Variants in SYNDIG1 observed in about 807,000 individuals in gnomAD.
The protein encoded by SYNDIG1 is synapse differentiation-inducing gene protein 1.
A neutral mutation model predicts 19.4 loss-of-function variants in SYNDIG1; 9 were observed. The observed-to-expected ratio is 0.46, with a 90% CI of 0.28 to 0.81. The LOEUF (loss-of-function observed/expected upper bound fraction) is 0.81. Ranked by LOEUF, SYNDIG1 falls within the 30% of genes least tolerant of loss-of-function variation. SYNDIG1 has a pLI of 0.12. For missense variants in SYNDIG1, 311 were observed against 343.3 expected (o/e 0.91, Z 0.74); for synonymous variants, 141 against 145.9 (o/e 0.97, Z 0.24).
intron 1 of SYNDIG1, among the ~76,000 whole-genome samples, chr20:24,481,346 G>A (rs1002111662): frequency 6.6e-6 from 1 of 152,178 alleles, no homozygotes; most frequent in Non-Finnish European, 1.5e-5. Context: ...ACATGGCTGG[G>A]GCTGGAGTCC....
At chr20:24,610,991 A>C (rs1165050878) in intron 3 of SYNDIG1, among the ~76,000 whole-genome samples, 1 of 152,200 alleles carries the variant, frequency 6.6e-6, no homozygotes, top group African/African-American at 2.4e-5. Flanking sequence ...GTCTTCGGCC[A>C]GCTCCCAGGC....
rs1267535736 is a variant in SYNDIG1 at position 24,553,235 on chromosome 20, G to A, written c.480+9658G>A. Among the ~76,000 whole-genome samples, 84 of 152,076 alleles carry A rather than the reference G, an allele frequency of 5.5e-4. No individual in the cohort carries two copies. The East Asian group carries it at 0.012, about 22-fold the overall frequency. ...GCCCTTTGTCAGATGAGCAGGTTGCGAAAATTTTCTCCCATTTTGTAGGTT... is the reference window on the plus strand; with the variant it reads ...GCCCTTTGTCAGATGAGCAGGTTGCAAAAATTTTCTCCCATTTTGTAGGTT... On this transcript the variant is annotated intron_variant, in intron 2 of 3. Transcript: ENST00000376862.
chr20:24,529,884 A>ATGG (rs2057208952), intron 1 of SYNDIG1, among the ~76,000 whole-genome samples: 1 of 59,414 alleles, frequency 1.7e-5, no homozygotes, highest in Non-Finnish European at 3.4e-5. Flanking sequence ...GATGGTGGTG[A>ATGG]TGGTGGTGAG....
At chr20:24,474,946 T>C (rs1407726550) in intron 1 of SYNDIG1, among the ~76,000 whole-genome samples, 1 of 152,248 alleles carries the variant, frequency 6.6e-6, no homozygotes, top group Non-Finnish European at 1.5e-5. Context: ...TTTATTCCAT[T>C]GCCTCAACTT....
At chr20:24,664,420 T>C (rs531632207) in intron 3 of SYNDIG1, among the ~76,000 whole-genome samples, 1 of 152,278 alleles carries the variant, frequency 6.6e-6, no homozygotes, top group East Asian at 1.9e-4. Context: ...AGCTAGGACA[T>C]TCTGCCAGGG....
At chr20:24,607,521 G>A (rs1310116147) in intron 3 of SYNDIG1, among the ~76,000 whole-genome samples, 3 of 152,134 alleles carry the variant, frequency 2.0e-5, no homozygotes, top group South Asian at 2.1e-4. Context: ...GAAGAGCCTC[G>A]GCCCATGACG....
intron 1 of SYNDIG1, among the ~76,000 whole-genome samples, chr20:24,523,904 G>T (rs1180855205): frequency 6.6e-6 from 1 of 152,162 alleles, no homozygotes; most frequent in Non-Finnish European, 1.5e-5. Flanking sequence ...CTGGCCAGCT[G>T]CCATGCAGAG....
At chr20:24,515,623 A>C in intron 1 of SYNDIG1, among the ~76,000 whole-genome samples, 1 of 151,172 alleles carries the variant, frequency 6.6e-6, no homozygotes, top group Non-Finnish European at 1.5e-5. Context: ...TAGGAATCCA[A>C]CTTACAAGGG....
intron 1 of SYNDIG1, among the ~76,000 whole-genome samples, chr20:24,478,572 C>A (rs894313658): frequency 6.6e-6 from 1 of 152,250 alleles, no homozygotes; most frequent in Admixed American, 6.5e-5. Flanking sequence ...TTGCTGGAAC[C>A]TAGAATACTG....
chr20:24,554,441 T>C (rs1419644448), intron 2 of SYNDIG1, among the ~76,000 whole-genome samples: 4 of 152,250 alleles, frequency 2.6e-5, no homozygotes, highest in Admixed American at 1.3e-4. Flanking sequence ...GGCTGTGGGT[T>C]GGACATAGAT....
chr20:24,641,641 A>T (rs1490307931), intron 3 of SYNDIG1, among the ~76,000 whole-genome samples: 3 of 152,192 alleles, frequency 2.0e-5, no homozygotes, highest in African/African-American at 7.2e-5. Context: ...ATAAAATAGT[A>T]ACAGGACGTA....
In SYNDIG1 at chr20:24,473,057, C is replaced by T. The variant is rs532416094; in HGVS notation, c.-79+3304C>T. ...TCATGCACATTGGAAAATGCAGGCT[C>T]CATCTCAGAGTAAATGTACCGCTGT... is the stretch of plus-strand genomic sequence containing the variant. On this transcript the variant is annotated intron_variant, in intron 1 of 3. Coordinates refer to ENST00000376862, the MANE Select transcript of SYNDIG1 (RefSeq NM_024893.3). Among the ~76,000 whole-genome samples, 6 of 152,270 alleles carry T rather than the reference C, an allele frequency of 3.9e-5. No homozygotes were observed. The South Asian group carries it at 1.0e-3, about 26-fold the overall frequency.
chr20:24,470,761 A>G (rs1568749458), intron 1 of SYNDIG1, among the ~76,000 whole-genome samples: 1 of 152,138 alleles, frequency 6.6e-6, no homozygotes, highest in Admixed American at 6.5e-5. Flanking sequence ...GTCTTCTGGT[A>G]GTCCTGTTTT....
At chr20:24,538,716 C>T (rs781202476) in intron 1 of SYNDIG1, among the ~76,000 whole-genome samples, 6 of 151,912 alleles carry the variant, frequency 3.9e-5, no homozygotes, top group Non-Finnish European at 5.9e-5. Flanking sequence ...TCATTCCCAC[C>T]AGCAGTGCAC....
chr20:24,633,272 G>C (rs1407904608), intron 3 of SYNDIG1, among the ~76,000 whole-genome samples: 1 of 152,150 alleles, frequency 6.6e-6, no homozygotes, highest in Non-Finnish European at 1.5e-5. Flanking sequence ...TAGGATCTGA[G>C]CCCTCGCTGG....
intron 3 of SYNDIG1, among the ~76,000 whole-genome samples, chr20:24,631,515 A>G (rs1378733788): frequency 6.6e-6 from 1 of 152,168 alleles, no homozygotes; most frequent in African/African-American, 2.4e-5. Flanking sequence ...TCTTGAACCA[A>G]TTTACCAAAA....
intron 1 of SYNDIG1, among the ~76,000 whole-genome samples, chr20:24,508,576 G>A (rs944680608): frequency 6.6e-6 from 1 of 151,958 alleles, no homozygotes; most frequent in Admixed American, 6.6e-5. Flanking sequence ...AAAAACATAG[G>A]TGAAATAAAA....
intron 1 of SYNDIG1, among the ~76,000 whole-genome samples, chr20:24,475,081 C>T (rs2055579106): frequency 6.6e-6 from 1 of 152,242 alleles, no homozygotes; most frequent in Non-Finnish European, 1.5e-5. Flanking sequence ...ACTCTTCTGT[C>T]ATGAGTACAA....
In SYNDIG1 at chr20:24,555,623, G is replaced by C. The variant is rs576415536; in HGVS notation, c.480+12046G>C. The stretch of plus-strand genomic sequence containing the variant: ...CATGTAGTTGAGCTGTTTTGAGTGA[G>C]TTTCTTAATCCTGAGTTCTAGTTTG... On this transcript the variant is annotated intron_variant, in intron 2 of 3. Coordinates refer to ENST00000376862, the MANE Select transcript of SYNDIG1 (RefSeq NM_024893.3). Among the ~76,000 whole-genome samples, 1,117 of 152,250 alleles carry C rather than the reference G, an allele frequency of 7.3e-3. 17 individuals are homozygous for C. The highest frequency in any genetic ancestry group is 0.025 in the African/African-American group (1,039 of 41,556).
Sources: allele counts gnomAD v4.1 joint callset (sites outside exome capture counted in the v4.1 genomes callset), GRCh38; gene constraint gnomAD v4.1.1; transcripts MANE v1.5; gene names NCBI Gene and HGNC (gene_info 2026-07-23, HGNC 2026-07-21).